The following CCDC40 variants were observed in gnomAD, a reference collection of about 807,000 sequenced individuals.
CCDC40 encodes coiled-coil domain-containing protein 40.
Under a neutral mutation model 124.5 loss-of-function variants are expected in CCDC40, and 104 were observed. The observed-to-expected ratio is 0.84, with a 90% confidence interval of 0.71 to 0.98. CCDC40 has a LOEUF of 0.98. Among genes scored for constraint, CCDC40 ranks in the 50% least tolerant of loss-of-function variants. CCDC40 has a pLI of 0.00. For synonymous variants in CCDC40, 580 were observed against 602.9 expected (o/e 0.96, Z 0.56); for missense variants, 1,463 against 1,503.9 (o/e 0.97, Z 0.45).
intron 3 of CCDC40, among the ~76,000 whole-genome samples, chr17:80,046,827 C>G (rs779495807): frequency 1.3e-5 from 2 of 152,132 alleles, no homozygotes; most frequent in African/African-American, 2.4e-5. Flanking sequence ...ATAAAAACAC[C>G]TGGCTCGATT....
At chr17:80,042,001 G>A (rs113948366) in intron 3 of CCDC40, among the ~76,000 whole-genome samples, 16 of 152,228 alleles carry the variant, frequency 1.1e-4, no homozygotes, top group African/African-American at 3.4e-4. Context: ...ATAGGAAGGC[G>A]AATACTATTT....
chr17:80,036,684 G>A lies in CCDC40; in HGVS notation c.22G>A (p.Ala8Thr). 1 of 1,462,272 alleles carries A rather than the reference G, an allele frequency of 6.8e-7. No homozygotes were observed. The highest frequency in any genetic ancestry group is 9.0e-7 in the Non-Finnish European group (1 of 1,109,232). The allele number at this position is 1,462,272 out of a possible 1,614,324, so 90.6% of individuals were successfully genotyped here. MAEPGGA[A>T]GRSHPEDGSA... ...GGAAATGGCGGAACCGGGCGGCGCGGCGGGCCGGTAAGCCGGGCCGAGGGG... is the reference window on the plus strand; with the variant it reads ...GGAAATGGCGGAACCGGGCGGCGCGACGGGCCGGTAAGCCGGGCCGAGGGG... The change falls in exon 1 of 20, where the codon GCG becomes ACG. Residue 8 changes from alanine to threonine, a missense_variant. By Grantham distance (58) the Ala-to-Thr change is moderately conservative. Coordinates refer to ENST00000397545, the MANE Select transcript of CCDC40 (RefSeq NM_017950.4).
chr17:80,067,942 A>G, intron 10 of CCDC40: 1 of 1,169,582 alleles, frequency 8.6e-7, no homozygotes, highest in Admixed American at 4.3e-5. Context: ...TACACGCACA[A>G]ACACTTCACA....
intron 17 of CCDC40, among the ~76,000 whole-genome samples, chr17:80,092,520 G>A (rs1030397332): frequency 2.0e-5 from 3 of 152,178 alleles, no homozygotes; most frequent in African/African-American, 7.2e-5. Flanking sequence ...CACATAAATG[G>A]ATCAAATAGG....
intron 10 of CCDC40, among the ~76,000 whole-genome samples, chr17:80,076,103 A>G (rs1235647665): frequency 3.3e-5 from 5 of 152,206 alleles, no homozygotes; most frequent in Non-Finnish European, 7.3e-5. Flanking sequence ...TATTCCATAA[A>G]CTTGGTTGAT....
intron 16 of CCDC40, chr17:80,089,475 G>A (rs1398548383): frequency 2.4e-6 from 1 of 419,082 alleles, no homozygotes; most frequent in Admixed American, 3.6e-5. Context: ...CAATTATACT[G>A]ACTTTCTCAG....
chr17:80,065,106 CT>C (rs1390867846), intron 9 of CCDC40, among the ~76,000 whole-genome samples: 2 of 79,174 alleles, frequency 2.5e-5, no homozygotes, highest in Non-Finnish European at 5.2e-5. Flanking sequence ...CCCTCTCCCC[CT>C]CCTCCCTCTT....
chr17:80,067,729 C>T (rs1451547242), intron 10 of CCDC40: 59 of 1,520,950 alleles, frequency 3.9e-5, no homozygotes, highest in Non-Finnish European at 5.1e-5. Flanking sequence ...CCTATCAAGC[C>T]CGGAATGTCT....
chr17:80,090,069 A>G, intron 17 of CCDC40, 185 bp downstream of exon 17: 2 of 1,537,042 alleles, frequency 1.3e-6, no homozygotes, highest in East Asian at 4.9e-5. Context: ...CCTGCACTCC[A>G]GCCGAGCACT....
intron 12 of CCDC40, among the ~76,000 whole-genome samples, chr17:80,082,526 C>A (rs920368496): frequency 1.3e-5 from 2 of 152,122 alleles, no homozygotes; most frequent in Admixed American, 6.5e-5. Context: ...TTTGGAGGAC[C>A]CCCAGAGGCT....
chr17:80,048,825 C>T, intron 5 of CCDC40, 64 bp downstream of exon 5: 1 of 1,411,482 alleles, frequency 7.1e-7, no homozygotes, highest in South Asian at 1.2e-5. Flanking sequence ...AGGCCCCTTT[C>T]TCTGCCTGCA....
At chr17:80,040,422 T>A in intron 3 of CCDC40, 152 bp downstream of exon 3, 2 of 792,768 alleles carry the variant, frequency 2.5e-6, no homozygotes, top group Non-Finnish European at 4.0e-6. Context: ...CTCACGCCTG[T>A]AATCCCAGCA....
chr17:80,093,344 G>C (rs1292176045), intron 17 of CCDC40, among the ~76,000 whole-genome samples: 2 of 152,024 alleles, frequency 1.3e-5, no homozygotes, highest in African/African-American at 4.8e-5. Context: ...ACCACACCCA[G>C]CTAATTTTTT....
Position 80,087,378 on chromosome 17 carries a change from G to T in CCDC40, c.2450-229G>T. The T allele has an allele frequency of 3.5e-6, 2 of 578,946 alleles. No individual in the cohort carries two copies. The highest frequency in any genetic ancestry group is 3.9e-5 in the South Asian group (2 of 50,732). The allele number at this position is 578,946 out of a possible 1,614,324, so 35.9% of individuals were successfully genotyped here. ...GCAGGTCCTCTCAGTTCCGTTGGAG[G>T]ACCAGGCTTTGGGAGCTTAGCAGCC... On this transcript the variant is annotated intron_variant, in intron 14 of 19. Coordinates refer to ENST00000397545, the MANE Select transcript of CCDC40 (RefSeq NM_017950.4). The surrounding 1 kb of genome is among the most constrained non-coding windows in gnomAD (Gnocchi z 4.5).
intron 10 of CCDC40, chr17:80,067,361 C>T: frequency 1.7e-6 from 1 of 592,930 alleles, no homozygotes; most frequent in Non-Finnish European, 3.0e-6. Flanking sequence ...GCAAAGGCAC[C>T]TGGTTTTCTG....
At chr17:80,070,666 G>A (rs1035880759) in intron 10 of CCDC40, among the ~76,000 whole-genome samples, 8 of 152,116 alleles carry the variant, frequency 5.3e-5, no homozygotes, top group Non-Finnish European at 1.0e-4. Context: ...CCACCTACTC[G>A]GGAGGCTGGG....
intron 18 of CCDC40, among the ~76,000 whole-genome samples, 182 bp downstream of exon 18, chr17:80,095,633 C>T (rs895052103): frequency 5.9e-5 from 9 of 152,066 alleles, no homozygotes; most frequent in South Asian, 2.1e-4. Flanking sequence ...GAGACCATCC[C>T]CAGTTCTGCT....
intron 17 of CCDC40, chr17:80,092,114 A>C (rs2038734077): frequency 6.7e-6 from 1 of 149,274 alleles, no homozygotes; most frequent in Admixed American, 6.7e-5. Flanking sequence ...GCTCGCTGCA[A>C]CCTCCGCCTC....
Position 80,058,875 on chromosome 17 carries a change from G to A in CCDC40, c.1335G>A (p.Gln445=). The change falls in exon 9 of 20, where the codon CAG becomes CAA. Residue 445 remains glutamine, a synonymous_variant. Coordinates refer to ENST00000397545, the MANE Select transcript of CCDC40 (RefSeq NM_017950.4). The surrounding 1 kb of genome is among the most constrained non-coding windows in gnomAD (Gnocchi z 4.2). ...EKKKQDLYVD[Q]LTTRAQQLEE... is the part of the protein sequence containing the mutation. ...TTTCCCAGGACCTGTATGTGGACCA[G>A]CTCACCACTCGAGCCCAGCAACTGG... 6.2e-7 allele frequency: 1 copy of A among 1,614,182 alleles called. No individual in the cohort carries two copies. Among genetic ancestry groups the A allele is most frequent in the Non-Finnish European group, 8.5e-7 (1 of 1,180,030 alleles).
Sources: allele counts gnomAD v4.1 joint callset (sites outside exome capture counted in the v4.1 genomes callset), GRCh38; gene constraint gnomAD v4.1.1; non-coding constraint Gnocchi (gnomAD v3.1); transcripts MANE v1.5; gene names NCBI Gene and HGNC (gene_info 2026-07-23, HGNC 2026-07-21).